Variants in FN3K observed in about 807,000 individuals in gnomAD.
FN3K encodes fructosamine 3 kinase.
Under a neutral mutation model 24.8 loss-of-function variants are expected in FN3K, and 24 were observed. The observed-to-expected ratio is 0.97, with a 90% CI of 0.70 to 1.36. The LOEUF (loss-of-function observed/expected upper bound fraction) is 1.36, where lower values mean the gene tolerates loss of function less well. Ranked by LOEUF, FN3K falls within the 40% of genes most tolerant of loss-of-function variation. The pLI is 0.00. For missense variants in FN3K, 449 were observed against 416.7 expected (o/e 1.08, Z -0.67); for synonymous variants, 192 against 175.2 (o/e 1.10, Z -0.76).
intron 1 of FN3K, chr17:82,738,264 A>G (rs968870790): frequency 5.2e-6 from 3 of 580,258 alleles, no homozygotes; most frequent in African/African-American, 3.7e-5. Flanking sequence ...TGCAGACCCC[A>G]CACCCCTCAC....
chr17:82,750,371 C>T (rs911494957), intron 5 of FN3K, 46 bp from the exon 6 acceptor site: 8 of 1,537,190 alleles, frequency 5.2e-6, no homozygotes, highest in Admixed American at 1.7e-5. Context: ...GTGATGAGAC[C>T]GGGGCTCCCA....
At chr17:82,746,436 A>G (rs1179246027) in intron 4 of FN3K, among the ~76,000 whole-genome samples, 8 of 151,960 alleles carry the variant, frequency 5.3e-5, no homozygotes, top group African/African-American at 1.5e-4. Flanking sequence ...TATTTAGGAT[A>G]TGAGTGTTTT....
chr17:82,744,064 G>A (rs1253717427), intron 4 of FN3K, among the ~76,000 whole-genome samples: 2 of 152,198 alleles, frequency 1.3e-5, no homozygotes, highest in Admixed American at 6.5e-5. Context: ...GAGGCTGCAC[G>A]GTGCACCTCT....
At position 82,750,905 on chromosome 17, in the gene FN3K, TGTCCCC is replaced by T. The variant is rs2143664472; in HGVS notation, c.*157_*162del. 2.8e-6 allele frequency: 1 copy of T among 353,356 alleles called. No individual in the cohort carries two copies. Among genetic ancestry groups the T allele is most frequent in the Non-Finnish European group, 5.0e-6 (1 of 200,568 alleles). The allele number at this position is 353,356 out of a possible 1,614,324, so 21.9% of individuals were successfully genotyped here. A position where few individuals can be genotyped will look rare whatever the true frequency, so the allele number is the denominator to read the frequency against. ...CCATCCCCCCGTCCCCCCATCCTCCTGTCCCCGTCCCCCCGTCCCCGTCCCTCCATC... is the reference window on the plus strand; with the variant it reads ...CCATCCCCCCGTCCCCCCATCCTCCTGTCCCCCCGTCCCCGTCCCTCCATC... On this transcript the variant is annotated 3_prime_UTR_variant, in exon 6 of 6. Transcript: ENST00000300784.
At chr17:82,737,537 T>C (rs2046909913) in intron 1 of FN3K, among the ~76,000 whole-genome samples, 1 of 152,156 alleles carries the variant, frequency 6.6e-6, no homozygotes, top group Non-Finnish European at 1.5e-5. Context: ...TTAGCCAGGA[T>C]GGTCTCAATC....
rs376005727 is a variant in FN3K at position 82,750,790 on chromosome 17, C to G, written c.*35C>G. On this transcript the variant is annotated 3_prime_UTR_variant, in exon 6 of 6. Transcript: ENST00000300784. Reference sequence around the variant, plus strand: ...CCCTCCCTTCCCCTGTCCCCGTCCCCGTCTCCGTCTCCCCGTCCCTGTCCC... The same window carrying G: ...CCCTCCCTTCCCCTGTCCCCGTCCCGGTCTCCGTCTCCCCGTCCCTGTCCC... 15 of 1,546,414 alleles carry G rather than the reference C, an allele frequency of 9.7e-6. No homozygotes were observed. The highest frequency in any genetic ancestry group is 1.2e-5 in the Non-Finnish European group (14 of 1,143,308).
intron 4 of FN3K, 92 bp downstream of exon 4, chr17:82,741,485 A>G: frequency 1.5e-5 from 17 of 1,151,336 alleles, no homozygotes; most frequent in Non-Finnish European, 2.0e-5. Flanking sequence ...AAGCACCAGC[A>G]AGATTGACTA....
chr17:82,742,287 C>T (rs2046945448), intron 4 of FN3K, among the ~76,000 whole-genome samples: 1 of 152,146 alleles, frequency 6.6e-6, no homozygotes, highest in Non-Finnish European at 1.5e-5. Flanking sequence ...GTGATCCACC[C>T]ACCTCGGCCT....
chr17:82,740,714 GTTAT>G (rs2046936416), intron 2 of FN3K, 45 bp from the exon 3 acceptor site: 3 of 1,298,694 alleles, frequency 2.3e-6, no homozygotes. Context: ...ACTGGGTGGT[GTTAT>G]TTATTATTTG....
intron 4 of FN3K, 129 bp from the exon 5 acceptor site, chr17:82,748,721 GTATTT>G: frequency 7.2e-7 from 1 of 1,384,006 alleles, no homozygotes; most frequent in East Asian, 2.3e-5. Flanking sequence ...TCTGGGTTGA[GTATTT>G]TATGTTTCTG....
At chr17:82,740,715 T>G (rs1420182836) in intron 2 of FN3K, 48 bp from the exon 3 acceptor site, 3 of 1,287,446 alleles carry the variant, frequency 2.3e-6, no homozygotes, top group Non-Finnish European at 3.4e-6. Flanking sequence ...CTGGGTGGTG[T>G]TATTTATTAT....
chr17:82,751,009 CAT>C lies in FN3K; in HGVS notation c.*255_*256del. 1 of 151,256 alleles carries C rather than the reference CAT, an allele frequency of 6.6e-6. No homozygotes were observed. Among genetic ancestry groups the C allele is most frequent in the Non-Finnish European group, 1.2e-5 (1 of 85,104 alleles). The allele number at this position is 151,256 out of a possible 1,614,324, so 9.4% of individuals were successfully genotyped here. ...TCCCCGACCCCCCATCCCCGTCCCC[CAT>C]CTCCGTCCCCGTCCCCCCTGCCCCG... On this transcript the variant is annotated 3_prime_UTR_variant, in exon 6 of 6. Transcript: ENST00000300784.
At chr17:82,735,800 G>A (rs1278632083) in intron 1 of FN3K, 23 bp downstream of exon 1, 4 of 1,549,664 alleles carry the variant, frequency 2.6e-6, no homozygotes, top group Non-Finnish European at 3.5e-6. Context: ...GCGCAGGCGG[G>A]GGCTCTGCGG....
chr17:82,737,895 G>A (rs935342687), intron 1 of FN3K: 1 of 158,624 alleles, frequency 6.3e-6, no homozygotes, highest in Non-Finnish European at 1.4e-5. Context: ...TACGTGAGGT[G>A]AGTGTTCACC....
At position 82,750,836 on chromosome 17, in the gene FN3K, C is replaced by T. The variant is rs1460498347; in HGVS notation, c.*81C>T. On this transcript the variant is annotated 3_prime_UTR_variant, in exon 6 of 6. Coordinates refer to ENST00000300784, the MANE Select transcript of FN3K (RefSeq NM_022158.4). ...GTCCCCCCGTCCCCCGTCCCTGTGCCCCCGTCCCTGTCCCCCTGTTCCCGT... is the reference window on the plus strand; with the variant it reads ...GTCCCCCCGTCCCCCGTCCCTGTGCTCCCGTCCCTGTCCCCCTGTTCCCGT... The T allele has an allele frequency of 1.6e-5, 18 of 1,134,284 alleles. No individual in the cohort carries two copies. The Admixed American group carries it at 4.0e-4, about 25-fold the overall frequency. 70.3% of individuals were successfully genotyped at this position (1,134,284 alleles called of 1,614,324 possible).
At chr17:82,746,348 G>A (rs1287632815) in intron 4 of FN3K, among the ~76,000 whole-genome samples, 4 of 151,952 alleles carry the variant, frequency 2.6e-5, no homozygotes, top group African/African-American at 9.7e-5. Flanking sequence ...CTTCTTTGGT[G>A]AACCATGTGT....
At chr17:82,746,696 G>A (rs1223538108) in intron 4 of FN3K, among the ~76,000 whole-genome samples, 4 of 151,992 alleles carry the variant, frequency 2.6e-5, no homozygotes, top group East Asian at 1.9e-4. Flanking sequence ...CCAGCTACTC[G>A]AAAGGCTGAG....
At chr17:82,746,488 T>C (rs1427124926) in intron 4 of FN3K, among the ~76,000 whole-genome samples, 1 of 152,034 alleles carries the variant, frequency 6.6e-6, no homozygotes, top group Non-Finnish European at 1.5e-5. Context: ...TAGTTTGTTG[T>C]TTGTGTATTT....
chr17:82,749,180 C>G (rs780886181), intron 5 of FN3K: 17 of 733,478 alleles, frequency 2.3e-5, no homozygotes, highest in African/African-American at 1.4e-4. Context: ...CTTGGCTCCT[C>G]GTGCCCCTCT....
Sources: allele counts gnomAD v4.1 joint callset (sites outside exome capture counted in the v4.1 genomes callset), GRCh38; gene constraint gnomAD v4.1.1; transcripts MANE v1.5; gene names NCBI Gene and HGNC (gene_info 2026-07-23, HGNC 2026-07-21).